Variants in ENTPD3 observed in about 807,000 individuals in gnomAD.
ENTPD3 encodes ectonucleoside triphosphate diphosphohydrolase 3.
ENTPD3 carries 60 observed loss-of-function variants against 51.2 expected under a neutral mutation model. That is an observed-to-expected ratio of 1.17 (90% CI 0.95 to 1.45). The LOEUF is 1.45. Among genes scored for constraint, ENTPD3 ranks in the 40% most tolerant of loss-of-function variants. The pLI is 0.00. For missense variants in ENTPD3, 593 were observed against 641.1 expected (o/e 0.93, Z 0.81); for synonymous variants, 221 against 238.4 (o/e 0.93, Z 0.67).
rs753635503 is a variant in ENTPD3 at position 40,416,084 on chromosome 3, CG to C, written c.831+16del. On this transcript the variant is annotated intron_variant, in intron 7 of 10. Transcript: ENST00000301825. ...GCAATGCTCCTGCAGGTACTTGAGT[CG>C]GGGGTAGGGGGTGGCAGGTGTTCTC... The C allele has an allele frequency of 1.2e-5, 19 of 1,605,332 alleles. 1 individual carries two copies. Among genetic ancestry groups the C allele is most frequent in the South Asian group, 1.1e-4 (10 of 90,490 alleles).
At chr3:40,403,683 C>T (rs1307816307) in intron 4 of ENTPD3, among the ~76,000 whole-genome samples, 2 of 144,904 alleles carry the variant, frequency 1.4e-5, no homozygotes, top group Non-Finnish European at 1.5e-5. Flanking sequence ...GATAGGGTCT[C>T]ATTCTGTCTC....
Position 40,422,847 on chromosome 3 carries a change from C to T in ENTPD3, c.832-3C>T. The T allele has an allele frequency of 6.2e-7, 1 of 1,609,236 alleles. No homozygotes were observed. On this transcript the variant is annotated splice_polypyrimidine_tract_variant and splice_region_variant and intron_variant, in intron 7 of 10. Coordinates refer to ENST00000301825, the MANE Select transcript of ENTPD3 (RefSeq NM_001248.4). ...GTCTAACACCTTACTCTTATACCTA[C>T]AGAATTCTCCTACCAAAAACCATCT...
chr3:40,389,652 G>C (rs947412484), intron 2 of ENTPD3, among the ~76,000 whole-genome samples: 5 of 152,224 alleles, frequency 3.3e-5, no homozygotes, highest in Admixed American at 2.0e-4. Context: ...TTGACACCAA[G>C]AAGTGTCTGT....
chr3:40,387,304 T>A (rs1575202993), intron 1 of ENTPD3, 43 bp downstream of exon 1: 1 of 152,168 alleles, frequency 6.6e-6, no homozygotes, highest in Non-Finnish European at 1.5e-5. Context: ...GAGGAAGGAG[T>A]CGGGGGTGCT....
At chr3:40,422,803 T>G in intron 7 of ENTPD3, 47 bp from the exon 8 acceptor site, 1 of 1,527,652 alleles carries the variant, frequency 6.5e-7, no homozygotes, top group Non-Finnish European at 8.9e-7. Flanking sequence ...TTGTGAATAG[T>G]GCCGCAATAA....
In ENTPD3 at chr3:40,410,953, T is replaced by C. The variant is rs560424283; in HGVS notation, c.287-859T>C. ...CAGAGGATGAGAATGAGAACGAATA[T>C]GGAGGCAATGGGAACCATGACTGGA... On this transcript the variant is annotated intron_variant, in intron 4 of 10. Transcript: ENST00000301825. Among the ~76,000 whole-genome samples the C allele has an allele frequency of 1.2e-4, 18 of 152,134 alleles. No homozygotes were observed. The East Asian group carries it at 3.5e-3, about 29-fold the overall frequency.
rs111352975 is a variant in ENTPD3 at position 40,415,142 on chromosome 3, G to T, written c.597+302G>T. Reference sequence around the variant, plus strand: ...CACTAGGCTATGGGTCTTTGGGAGGGCAGTTGAAGAATAACCCTTCAGAGA... The same window carrying T: ...CACTAGGCTATGGGTCTTTGGGAGGTCAGTTGAAGAATAACCCTTCAGAGA... On this transcript the variant is annotated intron_variant, in intron 6 of 10. Transcript: ENST00000301825. Among the ~76,000 whole-genome samples, 1,297 of 152,212 alleles carry T rather than the reference G, an allele frequency of 8.5e-3. 33 individuals carry two copies. The highest frequency in any genetic ancestry group is 0.084 in the South Asian group (406 of 4,810).
In ENTPD3 at chr3:40,422,702, G is replaced by A. The variant is rs1042652786; in HGVS notation, c.832-148G>A. 8 of 619,988 alleles carry A rather than the reference G, an allele frequency of 1.3e-5. No homozygotes were observed. The African/African-American group carries it at 1.5e-4, about 11-fold the overall frequency. 38.4% of individuals were successfully genotyped at this position (619,988 alleles called of 1,614,324 possible). On this transcript the variant is annotated intron_variant, in intron 7 of 10. Transcript: ENST00000301825. ...GGACATGAACTCATCATGTTTTATG[G>A]CTTCATAGTATTCCATGGTGTATAT...
At chr3:40,391,911 G>C in intron 2 of ENTPD3, 112 bp from the exon 3 acceptor site, 1 of 1,253,994 alleles carries the variant, frequency 8.0e-7, no homozygotes, top group Non-Finnish European at 1.2e-6. Context: ...GCTAACACCA[G>C]AGAAGGTGGT....
intron 6 of ENTPD3, 79 bp from the exon 7 acceptor site, chr3:40,415,761 G>A (rs1284889080): frequency 8.1e-6 from 9 of 1,108,334 alleles, no homozygotes; most frequent in South Asian, 2.8e-5. Context: ...AATAGGAGAC[G>A]AGGCTTGGGT....
rs982696214 is a variant in ENTPD3, at chr3:40,422,326, T to C, written c.832-524T>C. On this transcript the variant is annotated intron_variant, in intron 7 of 10. Coordinates refer to ENST00000301825, the MANE Select transcript of ENTPD3 (RefSeq NM_001248.4). Reference sequence around the variant, plus strand: ...AAAAGTGGTTTCTAATACCTTACTCTTTTTTTTTTTTTTTTACTTAGAGAT... The same window carrying C: ...AAAAGTGGTTTCTAATACCTTACTCCTTTTTTTTTTTTTTTACTTAGAGAT... Among the ~76,000 whole-genome samples, 28 of 3,830 alleles carry C rather than the reference T, an allele frequency of 7.3e-3. 1 individual carries two copies. In the Non-Finnish European group the frequency reaches 0.43, roughly 59 times the overall value. 2.5% of individuals were successfully genotyped at this position (3,830 alleles called of 152,430 possible).
At chr3:40,416,096 G>A (rs1228248699) in intron 7 of ENTPD3, 23 bp downstream of exon 7, 7 of 1,579,852 alleles carry the variant, frequency 4.4e-6, no homozygotes, top group Admixed American at 1.7e-5. Flanking sequence ...GGGGTAGGGG[G>A]TGGCAGGTGT....
Position 40,415,937 on chromosome 3 carries a change from G to A in ENTPD3, c.695G>A (p.Gly232Glu). The A allele has an allele frequency of 6.2e-7, 1 of 1,614,134 alleles. No individual in the cohort carries two copies. The highest frequency in any genetic ancestry group is 8.5e-7 in the Non-Finnish European group (1 of 1,180,012). ...TCCACCCAAATATCCTTCGTGGCAGGAGAGAAGATGGATCTGAACACCAGC... is the reference window on the plus strand; with the variant it reads ...TCCACCCAAATATCCTTCGTGGCAGAAGAGAAGATGGATCTGAACACCAGC... The part of the protein sequence containing the change: ...GASTQISFVA[G>E]EKMDLNTSDI... The change falls in exon 7 of 11, where the codon GGA becomes GAA. Residue 232 changes from glycine (G) to glutamate (E), a missense_variant. Gly to Glu is a moderately conservative substitution (Grantham distance 98, BLOSUM62 -2). Transcript: ENST00000301825.
chr3:40,423,674 T>C, intron 9 of ENTPD3, 152 bp from the exon 10 acceptor site: 1 of 910,646 alleles, frequency 1.1e-6, no homozygotes, highest in South Asian at 1.8e-5. Context: ...ATTTTCATAA[T>C]TATATTGTGT....
intron 2 of ENTPD3, among the ~76,000 whole-genome samples, chr3:40,390,527 ATGTC>A (rs1955029348): frequency 6.6e-6 from 1 of 152,178 alleles, no homozygotes; most frequent in Admixed American, 6.5e-5. Flanking sequence ...TTTTCATTGA[ATGTC>A]TTTTTATCTT....
In ENTPD3 at chr3:40,427,665, CTCT is replaced by C; in HGVS notation, c.*159_*161del. On this transcript the variant is annotated 3_prime_UTR_variant, in exon 11 of 11. Transcript: ENST00000301825. ...CAAATACTGATTTCTGCCACAGCAC[CTCT>C]TGAGGCATCCCTTGGCTATTCTGTG... The C allele has an allele frequency of 1.6e-6, 1 of 627,042 alleles. No individual in the cohort carries two copies. The highest frequency in any genetic ancestry group is 2.8e-6 in the Non-Finnish European group (1 of 351,798). 38.8% of individuals were successfully genotyped at this position (627,042 alleles called of 1,614,324 possible).
At chr3:40,414,580 C>A in intron 5 of ENTPD3, 101 bp from the exon 6 acceptor site, 1 of 1,278,900 alleles carries the variant, frequency 7.8e-7, no homozygotes, top group Non-Finnish European at 1.1e-6. Context: ...TCCCCACCAG[C>A]AGGGAGACGG....
At chr3:40,425,125 G>A in intron 10 of ENTPD3, 1 of 221,224 alleles carries the variant, frequency 4.5e-6, no homozygotes, top group South Asian at 6.5e-5. Context: ...GTATTTAAAT[G>A]TGAAGATGTA....
intron 4 of ENTPD3, among the ~76,000 whole-genome samples, chr3:40,403,904 C>T (rs994634355): frequency 1.1e-4 from 16 of 152,154 alleles, no homozygotes; most frequent in African/African-American, 3.6e-4. Flanking sequence ...CTGCCTCAGC[C>T]TCCCAAAGTG....
Sources: allele counts gnomAD v4.1 joint callset (sites outside exome capture counted in the v4.1 genomes callset), GRCh38; gene constraint gnomAD v4.1.1; transcripts MANE v1.5; gene names NCBI Gene and HGNC (gene_info 2026-07-23, HGNC 2026-07-21).